Variants in OGG1 observed in about 807,000 individuals in gnomAD.
OGG1 encodes the protein N-glycosylase/DNA lyase.
In OGG1, 35 loss-of-function variants were observed where a neutral mutation model predicts 42.3. The observed-to-expected ratio is 0.83, with a 90% CI of 0.63 to 1.10. OGG1 has a LOEUF of 1.10. Among genes scored for constraint, OGG1 ranks in the 50% least tolerant of loss-of-function variants. The pLI is 0.00. For synonymous variants in OGG1, 189 were observed against 179.0 expected (o/e 1.06, Z -0.44); for missense variants, 484 against 446.7 (o/e 1.08, Z -0.75).
intron 3 of OGG1, chr3:9,787,111 T>A: frequency 6.2e-7 from 1 of 1,614,156 alleles, no homozygotes. Flanking sequence ...CATCCACATC[T>A]AAGCGGGCAC....
At chr3:9,777,175 T>A (rs1303354173) in intron 2 of OGG1, among the ~76,000 whole-genome samples, 1 of 152,202 alleles carries the variant, frequency 6.6e-6, no homozygotes, top group Non-Finnish European at 1.5e-5. Context: ...TGTAAGGCAT[T>A]TGGAACTCTG....
chr3:9,760,762 G>A (rs138951531), downstream of OGG1: 7 of 1,613,764 alleles, frequency 4.3e-6, no homozygotes, highest in South Asian at 2.2e-5. Flanking sequence ...GAGGGTAACC[G>A]CAGAGCCTGG....
downstream of OGG1, among the ~76,000 whole-genome samples, chr3:9,766,911 G>A (rs181503401): frequency 2.6e-4 from 40 of 152,116 alleles, no homozygotes; most frequent in Admixed American, 9.8e-4. Context: ...GTGGCCTATG[G>A]GACAATATCC....
intron 3 of OGG1, chr3:9,785,197 A>G (rs1026789353): frequency 8.6e-6 from 6 of 697,470 alleles, no homozygotes; most frequent in Non-Finnish European, 1.2e-5. Context: ...TGAGACTGCT[A>G]TTAGGCTTCA....
At chr3:9,760,370 T>G (rs1452588292), downstream of OGG1, 1 of 329,032 alleles carries the variant, frequency 3.0e-6, no homozygotes, top group African/African-American at 2.1e-5. Flanking sequence ...TGAAAATGTT[T>G]ATGGTGGTGT....
At chr3:9,754,973 C>T in intron 4 of OGG1, 88 bp downstream of exon 4, 1 of 1,181,212 alleles carries the variant, frequency 8.5e-7, no homozygotes, top group South Asian at 1.3e-5. Context: ...TGGGTGGAGG[C>T]TTGGCTTCCG....
downstream of OGG1, chr3:9,760,095 T>C (rs1404905453): frequency 4.5e-6 from 1 of 221,888 alleles, no homozygotes; most frequent in African/African-American, 2.3e-5. Flanking sequence ...ACAAAAAAAA[T>C]TAGCCGGGCA....
chr3:9,786,889 G>A, intron 3 of OGG1: 1 of 921,888 alleles, frequency 1.1e-6, no homozygotes, highest in Non-Finnish European at 1.7e-6. Context: ...TTTTACTTTT[G>A]CACCAACCTA....
chr3:9,789,990 G>A (rs200731930), downstream of OGG1: 8 of 1,557,028 alleles, frequency 5.1e-6, no homozygotes, highest in South Asian at 4.9e-5. Context: ...GTGTCACTGA[G>A]GGGGAGAAGG....
chr3:9,750,224 G>C lies in OGG1; in HGVS notation c.-63G>C, dbSNP rs368914159. On this transcript the variant is annotated 5_prime_UTR_variant, in exon 1 of 7. Coordinates refer to ENST00000344629, the MANE Select transcript of OGG1 (RefSeq NM_002542.6). ...TGGTCCTTGTCTGGGCGGGGTCTTT[G>C]GGCGTCGACGAGGCCTGGTTCTGGG... The C allele has an allele frequency of 3.5e-5, 54 of 1,564,424 alleles. 1 individual carries two copies. In the East Asian group the frequency reaches 1.2e-3, roughly 34 times the overall value.
In OGG1 at chr3:9,756,729, A is replaced by G. The variant is rs377062233; in HGVS notation, c.899-38A>G. ...CCTACTTCTGTTGATGGGTCACAGA[A>G]GGGGTCAGATAACTTAGTCTCATCA... On this transcript the variant is annotated intron_variant, in intron 5 of 6. Transcript: ENST00000344629. The G allele has an allele frequency of 1.2e-5, 20 of 1,613,996 alleles. No homozygotes were observed. In the African/African-American group the frequency reaches 1.3e-4, roughly 11 times the overall value.
At chr3:9,759,650 C>T (rs775132172), downstream of OGG1, 2 of 1,614,050 alleles carry the variant, frequency 1.2e-6, no homozygotes, top group African/African-American at 1.3e-5. Context: ...CGCCCCAGCT[C>T]ACAGGTTGTG....
At chr3:9,784,110 C>A in intron 3 of OGG1, 1 of 1,614,214 alleles carries the variant, frequency 6.2e-7, no homozygotes, top group Non-Finnish European at 8.5e-7. Flanking sequence ...TCAGCAAGGA[C>A]CTCATCCTCG....
intron 7 of OGG1, among the ~76,000 whole-genome samples, chr3:9,765,388 G>C (rs1264009828): frequency 1.3e-5 from 2 of 152,176 alleles, no homozygotes; most frequent in Non-Finnish European, 2.9e-5. Context: ...TCAGCAGACA[G>C]TCATTTTTAA....
downstream of OGG1, chr3:9,757,768 T>TCTGCCC: frequency 6.2e-7 from 1 of 1,614,098 alleles, no homozygotes; most frequent in Non-Finnish European, 8.5e-7. The surrounding 1 kb of genome is among the most constrained non-coding windows in gnomAD (Gnocchi z 4.5). Context: ...TGGCTCGCCG[T>TCTGCCC]CTGCCCCTGC....
chr3:9,756,453 A>C lies in OGG1; in HGVS notation c.748-18A>C. On this transcript the variant is annotated intron_variant, in intron 4 of 6. Coordinates refer to ENST00000344629, the MANE Select transcript of OGG1 (RefSeq NM_002542.6). ...TGCTGCCCTTCTTCCACAAGGGCTC[A>C]TTCTGTGTCTGTCAAAGGTGGCTGA... 6.8e-6 allele frequency: 11 copies of C among 1,614,110 alleles called. No homozygotes were observed. The highest frequency in any genetic ancestry group is 9.3e-6 in the Non-Finnish European group (11 of 1,179,966).
chr3:9,764,500 C>T (rs188319344), intron 7 of OGG1, among the ~76,000 whole-genome samples: 10 of 151,752 alleles, frequency 6.6e-5, no homozygotes, highest in African/African-American at 1.2e-4. Flanking sequence ...TTAGTAGAGA[C>T]GGAGTTTCTC....
intron 7 of OGG1, among the ~76,000 whole-genome samples, chr3:9,764,632 T>TG (rs2078061453): frequency 6.8e-6 from 1 of 147,134 alleles, no homozygotes; most frequent in African/African-American, 2.5e-5. Flanking sequence ...TTTTTTGTTT[T>TG]TTTTTTTTTT....
chr3:9,787,669 C>A, intron 3 of OGG1: 1 of 1,366,618 alleles, frequency 7.3e-7, no homozygotes, highest in Non-Finnish European at 9.6e-7. Flanking sequence ...TCACGGGTGA[C>A]AGGGAATTAC....
Sources: gnomAD v4.1 joint callset for allele counts (sites outside exome capture counted in the v4.1 genomes callset) on GRCh38, gnomAD v4.1.1 for gene constraint, Gnocchi (gnomAD v3.1) non-coding constraint, MANE v1.5 for transcripts, NCBI Gene and HGNC (gene_info 2026-07-23, HGNC 2026-07-21) for gene names.